The following AP3D1 variants were observed in gnomAD, a reference collection of about 807,000 sequenced individuals.
AP3D1 encodes adaptor related protein complex 3 subunit delta 1.
AP3D1 carries 51 observed loss-of-function variants against 147.6 expected under a neutral mutation model. The observed-to-expected ratio is 0.35, with a 90% CI of 0.28 to 0.44. The LOEUF is 0.44. AP3D1 is among the 20% of genes least tolerant of loss of function. The pLI is 1.00. For synonymous variants in AP3D1, 760 were observed against 663.0 expected, an observed-to-expected ratio of 1.15 and a Z score of -2.25; for missense variants, 1,421 against 1,624.2, an observed-to-expected ratio of 0.87 and a Z score of 2.15.
chr19:2,161,619 C>A (rs1422815327), intron 1 of AP3D1, among the ~76,000 whole-genome samples: 1 of 152,042 alleles, frequency 6.6e-6, no homozygotes, highest in African/African-American at 2.4e-5. Flanking sequence ...TTGAGGCATA[C>A]ATGCAGACCA....
intron 31 of AP3D1, among the ~76,000 whole-genome samples, chr19:2,104,017 G>A (rs988744813): frequency 8.0e-5 from 12 of 150,780 alleles, no homozygotes; most frequent in Admixed American, 2.6e-4. Flanking sequence ...AAGCACCAAT[G>A]CCAAGACCCC....
intron 11 of AP3D1, among the ~76,000 whole-genome samples, chr19:2,122,448 C>T (rs781104518): frequency 2.0e-5 from 3 of 152,198 alleles, no homozygotes; most frequent in Admixed American, 6.5e-5. Flanking sequence ...AGACAGACAC[C>T]GTGAGGTCCA....
intron 1 of AP3D1, among the ~76,000 whole-genome samples, chr19:2,148,449 C>T (rs1175202817): frequency 1.3e-5 from 2 of 152,244 alleles, no homozygotes; most frequent in Non-Finnish European, 2.9e-5. Context: ...TGCCTGCACT[C>T]TGGTCTCTTC....
chr19:2,128,537 A>G (rs2018833024), intron 8 of AP3D1, among the ~76,000 whole-genome samples: 1 of 109,286 alleles, frequency 9.2e-6, no homozygotes, highest in Non-Finnish European at 1.8e-5. Context: ...CACCCCGTGG[A>G]GCCGGCCCGC....
At chr19:2,144,936 C>T (rs912945209) in intron 1 of AP3D1, among the ~76,000 whole-genome samples, 8 of 152,094 alleles carry the variant, frequency 5.3e-5, no homozygotes, top group African/African-American at 1.4e-4. Context: ...AAAACAAAAA[C>T]GCTTCTGGCT....
upstream of AP3D1, among the ~76,000 whole-genome samples, chr19:2,153,711 G>C (rs887251789): frequency 6.6e-6 from 1 of 152,040 alleles, no homozygotes; most frequent in Non-Finnish European, 1.5e-5. Flanking sequence ...TGCTGGGCAT[G>C]GTGGCTCCAT....
chr19:2,115,916 A>AT (rs1400476977), intron 18 of AP3D1, among the ~76,000 whole-genome samples: 2 of 152,272 alleles, frequency 1.3e-5, no homozygotes, highest in African/African-American at 4.8e-5. Context: ...GAGAAAAGTA[A>AT]TGCGGCCTCA....
chr19:2,112,529 T>C (rs1287104201), intron 24 of AP3D1: 4 of 243,464 alleles, frequency 1.6e-5, no homozygotes, highest in Non-Finnish European at 3.2e-5. Flanking sequence ...AAGTAACGGC[T>C]GGTGGGAATG....
At chr19:2,124,155 C>T (rs2018688517) in intron 9 of AP3D1, among the ~76,000 whole-genome samples, 1 of 152,236 alleles carries the variant, frequency 6.6e-6, no homozygotes, top group Non-Finnish European at 1.5e-5. Context: ...ACTCGCAACC[C>T]CTGCTTCCCT....
chr19:2,164,374 G>A (rs1189349094), exon 1 of AP3D1: 30 of 687,018 alleles, frequency 4.4e-5, no homozygotes, highest in Non-Finnish European at 5.8e-5. Flanking sequence ...CCTGCGGAAC[G>A]GAGACCCTGG....
chr19:2,151,721 T>G (rs1394485228), upstream of AP3D1, among the ~76,000 whole-genome samples: 2 of 152,204 alleles, frequency 1.3e-5, no homozygotes, highest in East Asian at 1.9e-4. Flanking sequence ...CTCTTTCTCC[T>G]GCGCGCGGCC....
intron 21 of AP3D1, 91 bp downstream of exon 21, chr19:2,114,657 C>A: frequency 2.2e-6 from 2 of 915,032 alleles, no homozygotes; most frequent in South Asian, 1.4e-5. Context: ...GCCCACCCTG[C>A]AGAGCCCGGC....
intron 5 of AP3D1, among the ~76,000 whole-genome samples, chr19:2,130,866 C>T (rs1215302602): frequency 2.0e-5 from 3 of 152,248 alleles, no homozygotes; most frequent in Non-Finnish European, 4.4e-5. Context: ...CAGCCCAGCT[C>T]CTCACGGCTG....
In AP3D1 at chr19:2,114,077, G is replaced by A. The variant is rs1026836505; in HGVS notation, c.2601+48C>T. ...CACCGCTGTCTCCTGGGAGTTCACGGCAAGGGAGGGGAATGGAGAAGGCCG... is the reference window on the plus strand; with the variant it reads ...CACCGCTGTCTCCTGGGAGTTCACGACAAGGGAGGGGAATGGAGAAGGCCG... On this transcript the variant is annotated intron_variant, in intron 22 of 31. Coordinates refer to ENST00000643116, the MANE Select transcript of AP3D1 (RefSeq NM_001261826.3). 33 of 1,530,388 alleles carry A rather than the reference G, an allele frequency of 2.2e-5. No homozygotes were observed. The African/African-American group carries it at 4.2e-4, about 19-fold the overall frequency. The allele number at this position is 1,530,388 out of a possible 1,614,324, so 94.8% of individuals were successfully genotyped here. A position where few individuals can be genotyped will look rare whatever the true frequency, so the allele number is the denominator to read the frequency against.
chr19:2,102,653 G>C (rs187119289), intron 31 of AP3D1, among the ~76,000 whole-genome samples: 1 of 150,936 alleles, frequency 6.6e-6, no homozygotes, highest in Non-Finnish European at 1.5e-5. Context: ...GCGTGAACCC[G>C]GGAGGTGGAC....
At chr19:2,104,483 C>T (rs557157135) in intron 31 of AP3D1, among the ~76,000 whole-genome samples, 9 of 151,146 alleles carry the variant, frequency 6.0e-5, no homozygotes, top group African/African-American at 2.2e-4. Context: ...AATGCCCAGA[C>T]CCCAACACCA....
At chr19:2,161,155 GTTTTTTTTTT>G (rs58654241) in intron 1 of AP3D1, among the ~76,000 whole-genome samples, 5 of 125,380 alleles carry the variant, frequency 4.0e-5, no homozygotes, top group Non-Finnish European at 8.4e-5. Flanking sequence ...GCTTCTCCTA[GTTTTTTTTTT>G]TTTTTTTTTT....
chr19:2,124,494 G>A (rs991453039), intron 9 of AP3D1, among the ~76,000 whole-genome samples: 11 of 152,284 alleles, frequency 7.2e-5, no homozygotes, highest in African/African-American at 1.7e-4. Flanking sequence ...CCAGGGGACC[G>A]CCAGGCACAT....
At chr19:2,109,021 AG>A in intron 30 of AP3D1, 64 bp downstream of exon 30, 1 of 1,588,944 alleles carries the variant, frequency 6.3e-7, no homozygotes, top group Non-Finnish European at 8.5e-7. Context: ...CGGCTCCAAT[AG>A]GAAGGGACAG....
Sources: gnomAD v4.1 joint callset for allele counts (sites outside exome capture counted in the v4.1 genomes callset) on GRCh38, gnomAD v4.1.1 for gene constraint, MANE v1.5 for transcripts, NCBI Gene and HGNC (gene_info 2026-07-23, HGNC 2026-07-21) for gene names.